Variants in APOL6 observed in about 807,000 individuals in gnomAD.
APOL6 encodes apolipoprotein L, 6.
A neutral mutation model predicts 2.4 loss-of-function variants in APOL6; 1 was observed. That is an observed-to-expected ratio of 0.41 (90% confidence interval 0.15 to 1.94). The LOEUF is 1.94. Among genes scored for constraint, APOL6 ranks in the 30% most tolerant of loss-of-function variants. APOL6 has a pLI of 0.30. For missense variants in APOL6, 438 were observed against 429.2 expected (o/e 1.02, Z -0.18); for synonymous variants, 189 against 169.3 (o/e 1.12, Z -0.90).
intron 2 of APOL6, among the ~76,000 whole-genome samples, chr22:35,657,496 TG>T (rs1447873221): frequency 6.6e-6 from 1 of 152,216 alleles, no homozygotes; most frequent in East Asian, 1.9e-4. Context: ...AATACATTTA[TG>T]GACATACATA....
chr22:35,656,701 G>C (rs916718732), intron 2 of APOL6, among the ~76,000 whole-genome samples: 1 of 152,156 alleles, frequency 6.6e-6, no homozygotes, highest in Non-Finnish European at 1.5e-5. Flanking sequence ...TAAGTCAGGC[G>C]CATGGCTTTG....
chr22:35,659,914 C>T lies in APOL6; in HGVS notation c.*318C>T, dbSNP rs1192544285. The T allele has an allele frequency of 7.0e-6, 2 of 284,516 alleles. No individual in the cohort carries two copies. The highest frequency in any genetic ancestry group is 1.3e-5 in the Non-Finnish European group (2 of 149,912). 17.6% of individuals were successfully genotyped at this position (284,516 alleles called of 1,614,324 possible). A position where few individuals can be genotyped will look rare whatever the true frequency, so the allele number is the denominator to read the frequency against. ...CCAAGTAGCTGGGATTACAGGCACG[C>T]ACCACCACGCCCAGCTAATTTTGGT... On this transcript the variant is annotated 3_prime_UTR_variant, in exon 3 of 3. Coordinates refer to ENST00000409652, the MANE Select transcript of APOL6 (RefSeq NM_030641.4).
intron 1 of APOL6, among the ~76,000 whole-genome samples, chr22:35,650,143 C>T (rs1924650328): frequency 6.6e-6 from 1 of 152,130 alleles, no homozygotes; most frequent in African/African-American, 2.4e-5. Context: ...CTGTGTAAAG[C>T]AGGTAGATGT....
intron 1 of APOL6, 147 bp from the exon 2 acceptor site, chr22:35,656,232 T>A: frequency 1.6e-6 from 1 of 629,284 alleles, no homozygotes; most frequent in South Asian, 1.8e-5. Context: ...CACCTCAACA[T>A]ACAATTTTCA....
Position 35,659,830 on chromosome 22 carries a change from A to C in APOL6, c.*234A>C. On this transcript the variant is annotated 3_prime_UTR_variant, in exon 3 of 3. Coordinates refer to ENST00000409652, the MANE Select transcript of APOL6 (RefSeq NM_030641.4). ...GCCCAGGCTGGAGTGCAGTGGCGTA[A>C]TCTCGGCTCACTGCAACCTCTGCCT... 1 of 612,138 alleles carries C rather than the reference A, an allele frequency of 1.6e-6. No homozygotes were observed. The highest frequency in any genetic ancestry group is 2.6e-5 in the South Asian group (1 of 38,370). 37.9% of individuals were successfully genotyped at this position (612,138 alleles called of 1,614,324 possible). A position where few individuals can be genotyped will look rare whatever the true frequency, so the allele number is the denominator to read the frequency against.
chr22:35,656,181 A>G (rs1569134296), intron 1 of APOL6, among the ~76,000 whole-genome samples, 198 bp from the exon 2 acceptor site: 1 of 152,238 alleles, frequency 6.6e-6, no homozygotes. Flanking sequence ...AAATGTATTG[A>G]ACTGACTATT....
In APOL6 at chr22:35,665,093, A is replaced by ATT. The variant is rs1326983931; in HGVS notation, c.*5500_*5501dup. ...GAACATTGGTGTAAGTCATGATAAG[A>ATT]TTTTATATATATATATACACACACA... On this transcript the variant is annotated 3_prime_UTR_variant, in exon 3 of 3. Coordinates refer to ENST00000409652, the MANE Select transcript of APOL6 (RefSeq NM_030641.4). 6.7e-6 allele frequency: 1 copy of ATT among 150,268 alleles called. No homozygotes were observed. The highest frequency in any genetic ancestry group is 1.5e-5 in the Non-Finnish European group (1 of 67,808). 9.3% of individuals were successfully genotyped at this position (150,268 alleles called of 1,614,324 possible). A position where few individuals can be genotyped will look rare whatever the true frequency, so the allele number is the denominator to read the frequency against.
At chr22:35,651,276 G>T (rs1924685041) in intron 1 of APOL6, among the ~76,000 whole-genome samples, 1 of 152,168 alleles carries the variant, frequency 6.6e-6, no homozygotes, top group Admixed American at 6.5e-5. Flanking sequence ...TTCTGCTGCA[G>T]GCTCCAGGGA....
chr22:35,658,724 A>C lies in APOL6; in HGVS notation c.160A>C (p.Lys54Gln). 6.2e-7 allele frequency: 1 copy of C among 1,614,214 alleles called. No homozygotes were observed. Among genetic ancestry groups the C allele is most frequent in the Non-Finnish European group, 8.5e-7 (1 of 1,180,024 alleles). ...ATTTCCCAGATTGAAAGAAGATCTGAAAGGGAACATTGACAAGCTCCGTGC... is the reference window on the plus strand; with the variant it reads ...ATTTCCCAGATTGAAAGAAGATCTGCAAGGGAACATTGACAAGCTCCGTGC... ...REFPRLKEDL[K>Q]GNIDKLRALA... The change falls in exon 3 of 3, where the codon AAA becomes CAA. Residue 54 changes from lysine to glutamine, a missense_variant. Transcript: ENST00000409652.
chr22:35,649,816 C>T (rs753215452), intron 1 of APOL6, among the ~76,000 whole-genome samples: 1 of 152,144 alleles, frequency 6.6e-6, no homozygotes, highest in Admixed American at 6.5e-5. Context: ...CCCCCAGCAA[C>T]CTTGTCATGT....
chr22:35,664,144 T>C lies in APOL6; in HGVS notation c.*4548T>C, dbSNP rs1447221414. On this transcript the variant is annotated 3_prime_UTR_variant, in exon 3 of 3. Coordinates refer to ENST00000409652, the MANE Select transcript of APOL6 (RefSeq NM_030641.4). ...TCTTAAGAATTGCCAGCATACATTTTTGTTTGCATTATATTAATCAAACAG... is the reference window on the plus strand; with the variant it reads ...TCTTAAGAATTGCCAGCATACATTTCTGTTTGCATTATATTAATCAAACAG... The C allele has an allele frequency of 6.6e-6, 1 of 152,248 alleles. No individual in the cohort carries two copies. The highest frequency in any genetic ancestry group is 2.4e-5 in the African/African-American group (1 of 41,482). 9.4% of individuals were successfully genotyped at this position (152,248 alleles called of 1,614,324 possible).
rs1925249965 is a variant in APOL6, at chr22:35,668,376, A to T, written c.*8780A>T. ...TGTGTCACAGGCCATGTTCACTTACATTTGGCTCAGAATAAATCTCTTCAA... is the reference window on the plus strand; with the variant it reads ...TGTGTCACAGGCCATGTTCACTTACTTTTGGCTCAGAATAAATCTCTTCAA... On this transcript the variant is annotated 3_prime_UTR_variant, in exon 3 of 3. Coordinates refer to ENST00000409652, the MANE Select transcript of APOL6 (RefSeq NM_030641.4). 1 of 152,020 alleles carries T rather than the reference A, an allele frequency of 6.6e-6. No homozygotes were observed. The highest frequency in any genetic ancestry group is 6.6e-5 in the Admixed American group (1 of 15,262). The allele number at this position is 152,020 out of a possible 1,614,324, so 9.4% of individuals were successfully genotyped here.
Position 35,659,429 on chromosome 22 carries a change from T to C in APOL6, c.865T>C (p.Tyr289His), listed in dbSNP as rs1924955215. ...ERKLTELTQL[Y>H]KSLQQKVRSR... is the part of the protein sequence containing the mutation. ...GAAACTCACAGAACTCACCCAGCTC[T>C]ACAAGAGCTTGCAGCAGAAAGTGAG... Residue 289 changes from tyrosine (Y) to histidine (H), a missense_variant, in exon 3 of 3, where the codon TAC becomes CAC. Transcript: ENST00000409652. The C allele has an allele frequency of 6.2e-7, 1 of 1,613,752 alleles. No individual in the cohort carries two copies. The highest frequency in any genetic ancestry group is 1.1e-5 in the South Asian group (1 of 91,062).
rs898646914 is a variant in APOL6 at position 35,663,592 on chromosome 22, T to C, written c.*3996T>C. 1 of 152,044 alleles carries C rather than the reference T, an allele frequency of 6.6e-6. No homozygotes were observed. Among genetic ancestry groups the C allele is most frequent in the Non-Finnish European group, 1.5e-5 (1 of 68,000 alleles). The allele number at this position is 152,044 out of a possible 1,614,324, so 9.4% of individuals were successfully genotyped here. A position where few individuals can be genotyped will look rare whatever the true frequency, so the allele number is the denominator to read the frequency against. Reference sequence around the variant, plus strand: ...CCGGATTTTTTGACTAAAATAGCTATTGCAACAGAGGCTACTCTTGGGTTA... The same window carrying C: ...CCGGATTTTTTGACTAAAATAGCTACTGCAACAGAGGCTACTCTTGGGTTA... On this transcript the variant is annotated 3_prime_UTR_variant, in exon 3 of 3. Transcript: ENST00000409652.
chr22:35,651,606 T>C (rs1924698422), intron 1 of APOL6, among the ~76,000 whole-genome samples: 1 of 152,118 alleles, frequency 6.6e-6, no homozygotes, highest in Non-Finnish European at 1.5e-5. Flanking sequence ...GTCCATGTGT[T>C]CTCATTGTTC....
In APOL6 at chr22:35,668,257, G is replaced by A. The variant is rs925930973; in HGVS notation, c.*8661G>A. The A allele has an allele frequency of 6.6e-6, 1 of 152,086 alleles. No homozygotes were observed. Among genetic ancestry groups the A allele is most frequent in the Admixed American group, 6.5e-5 (1 of 15,274 alleles). The allele number at this position is 152,086 out of a possible 1,614,324, so 9.4% of individuals were successfully genotyped here. ...GACAGGACCAATGTATATCTTAAATGTATTTGATTGATCTCTCATGTCTCC... is the reference window on the plus strand; with the variant it reads ...GACAGGACCAATGTATATCTTAAATATATTTGATTGATCTCTCATGTCTCC... On this transcript the variant is annotated 3_prime_UTR_variant, in exon 3 of 3. Transcript: ENST00000409652.
chr22:35,658,609 C>G lies in APOL6; in HGVS notation c.51-6C>G. ...GAAGCAAAATCTTTATTTCATTTCT[C>G]CTCAGGGATGAGGATGACGCTCCTC... On this transcript the variant is annotated splice_region_variant and splice_polypyrimidine_tract_variant and intron_variant, in intron 2 of 2. Transcript: ENST00000409652. The G allele has an allele frequency of 6.3e-7, 1 of 1,591,960 alleles. No homozygotes were observed. Among genetic ancestry groups the G allele is most frequent in the Non-Finnish European group, 8.6e-7 (1 of 1,168,834 alleles).
rs1925139595 is a variant in APOL6, at chr22:35,665,119, C to CAG, written c.*5524_*5525insGA. 6.6e-6 allele frequency: 1 copy of CAG among 151,972 alleles called. No homozygotes were observed. The highest frequency in any genetic ancestry group is 1.9e-4 in the East Asian group (1 of 5,188). The allele number at this position is 151,972 out of a possible 1,614,324, so 9.4% of individuals were successfully genotyped here. The stretch of plus-strand genomic sequence containing the variant: ...TTTTATATATATATATACACACACA[C>CAG]ACACACACCCCAAAAGCTTTTATAT... On this transcript the variant is annotated 3_prime_UTR_variant, in exon 3 of 3. Transcript: ENST00000409652.
chr22:35,656,890 C>T (rs966770790), intron 2 of APOL6, among the ~76,000 whole-genome samples: 2 of 152,158 alleles, frequency 1.3e-5, no homozygotes, highest in Non-Finnish European at 2.9e-5. Context: ...GTAGCACCAC[C>T]GGCCCCCTGC....
Sources: gnomAD v4.1 joint callset for allele counts (sites outside exome capture counted in the v4.1 genomes callset) on GRCh38, gnomAD v4.1.1 for gene constraint, MANE v1.5 for transcripts, NCBI Gene and HGNC (gene_info 2026-07-23, HGNC 2026-07-21) for gene names.